The following ZFAND2A variants were observed in gnomAD, a reference collection of about 807,000 sequenced individuals.
ZFAND2A encodes AN1-type zinc finger protein 2A.
In ZFAND2A, 20 loss-of-function variants were observed where a neutral mutation model predicts 11.6. The observed-to-expected ratio is 1.72, with a 90% CI of 1.21 to 2.50. The LOEUF (loss-of-function observed/expected upper bound fraction) is 2.50. ZFAND2A is among the 30% of genes most tolerant of loss of function. The probability of loss-of-function intolerance (pLI) is 0.00; values close to 1 mark genes in which losing one functional copy is unlikely to be tolerated. For missense variants in ZFAND2A, 234 were observed against 182.9 expected (o/e 1.28, Z -1.61); for synonymous variants, 93 against 60.6 (o/e 1.54, Z -2.48).
chr7:1,152,721 G>A (rs577030682), downstream of ZFAND2A, among the ~76,000 whole-genome samples: 2 of 152,222 alleles, frequency 1.3e-5, no homozygotes, highest in South Asian at 2.1e-4. Context: ...GTGCATTGAC[G>A]AGCCCCGAGA....
At chr7:1,151,818 G>A (rs1227111879), downstream of ZFAND2A, among the ~76,000 whole-genome samples, 1 of 150,576 alleles carries the variant, frequency 6.6e-6, no homozygotes, top group Non-Finnish European at 1.5e-5. Flanking sequence ...CGTGAAGATG[G>A]CCCGGAGGTG....
At chr7:1,152,144 G>A (rs934602400), downstream of ZFAND2A, 8 of 1,375,442 alleles carry the variant, frequency 5.8e-6, no homozygotes, top group African/African-American at 1.5e-5. Context: ...TCGCACCACT[G>A]GAGCATCGCG....
Position 1,159,993 on chromosome 7 carries a change from A to AG in ZFAND2A, c.-76dup, listed in dbSNP as rs1242579922. 6.3e-6 allele frequency: 1 copy of AG among 159,500 alleles called. No homozygotes were observed. Among genetic ancestry groups the AG allele is most frequent in the Non-Finnish European group, 1.4e-5 (1 of 71,786 alleles). The allele number at this position is 159,500 out of a possible 1,614,324, so 9.9% of individuals were successfully genotyped here. A position where few individuals can be genotyped will look rare whatever the true frequency, so the allele number is the denominator to read the frequency against. ...CTCTCGTCGGGGACCCAGGCAGCTG[A>AG]GGTGAGCAGCAGATGGAAGAGACGT... On this transcript the variant is annotated 5_prime_UTR_variant, in exon 1 of 5. An upstream open reading frame in the 5' UTR gains an earlier in-frame stop. Coordinates refer to ENST00000316495, the MANE Select transcript of ZFAND2A (RefSeq NM_182491.4).
At chr7:1,159,021 A>ACT (rs1171492221) in intron 1 of ZFAND2A, among the ~76,000 whole-genome samples, 1 of 151,640 alleles carries the variant, frequency 6.6e-6, no homozygotes, top group Non-Finnish European at 1.5e-5. Flanking sequence ...AGACTGGAAC[A>ACT]CTCTCGCCCA....
chr7:1,155,690 CA>C, intron 3 of ZFAND2A, 106 bp from the exon 4 acceptor site: 1 of 1,441,588 alleles, frequency 6.9e-7, no homozygotes, highest in Non-Finnish European at 9.3e-7. Flanking sequence ...AAAGAGAGGA[CA>C]AAAACCGGTC....
At chr7:1,152,282 C>T (rs978547720), downstream of ZFAND2A, 3 of 1,583,946 alleles carry the variant, frequency 1.9e-6, no homozygotes, top group South Asian at 1.2e-5. Flanking sequence ...GGCCAGCCCG[C>T]CAGGAGCCAG....
chr7:1,155,657 T>TC (rs143202029), intron 3 of ZFAND2A, 73 bp from the exon 4 acceptor site: 254,775 of 1,560,686 alleles, frequency 0.16, 22,061 homozygotes, highest in Middle Eastern at 0.26. Context: ...AAACGAGTAC[T>TC]CCTGTGCGGC....
chr7:1,158,015 G>C, intron 2 of ZFAND2A, 143 bp downstream of exon 2: 2 of 873,942 alleles, frequency 2.3e-6, no homozygotes, highest in Admixed American at 2.2e-5. Flanking sequence ...TGGATGCTAA[G>C]TGTCAAACAG....
At chr7:1,154,053 G>C (rs1368083351) in intron 4 of ZFAND2A, among the ~76,000 whole-genome samples, 1 of 152,142 alleles carries the variant, frequency 6.6e-6, no homozygotes, top group Non-Finnish European at 1.5e-5. Context: ...AGGAAGCAGG[G>C]AGCGGGAGGG....
chr7:1,157,231 A>G (rs1004995160), intron 3 of ZFAND2A: 1 of 153,734 alleles, frequency 6.5e-6, no homozygotes, highest in African/African-American at 2.4e-5. Context: ...AGTTATTCAA[A>G]TCAATAAGCG....
downstream of ZFAND2A, among the ~76,000 whole-genome samples, chr7:1,151,036 T>C (rs1163729408): frequency 2.6e-5 from 4 of 152,032 alleles, no homozygotes; most frequent in East Asian, 5.8e-4. Flanking sequence ...TACAAGCGTG[T>C]ACCACCACCA....
Position 1,153,193 on chromosome 7 carries a change from C to CAG in ZFAND2A, c.312_313dup (p.Cys105SerfsTer?). 1 of 1,614,056 alleles carries CAG rather than the reference C, an allele frequency of 6.2e-7. No homozygotes were observed. The highest frequency in any genetic ancestry group is 8.5e-7 in the Non-Finnish European group (1 of 1,179,914). On this transcript the variant is annotated frameshift_variant, in exon 5 of 5. Transcript: ENST00000316495. LOFTEE classifies it low-confidence loss of function (END_TRUNC). The stretch of plus-strand genomic sequence containing the variant: ...CATCTGCAGCATCTCTTTCTTCTTG[C>CAG]AGCCCTCTTTTGAGCAACGGTATGT...
intron 3 of ZFAND2A, 66 bp from the exon 4 acceptor site, chr7:1,155,650 C>G: frequency 6.3e-7 from 1 of 1,579,536 alleles, no homozygotes. Context: ...AAGTTTTAAA[C>G]GAGTACTCCT....
chr7:1,152,797 C>G (rs562062898), downstream of ZFAND2A: 4 of 561,054 alleles, frequency 7.1e-6, no homozygotes, highest in Admixed American at 1.1e-4. Flanking sequence ...CGACATCCTG[C>G]GCCTGGACCT....
downstream of ZFAND2A, chr7:1,152,133 G>A (rs950799014): frequency 7.5e-7 from 1 of 1,338,876 alleles, no homozygotes. Context: ...TCCTGACGAA[G>A]TCGCACCACT....
At chr7:1,151,762 T>TAAAAGAAAAAAAAAAAAAAAAAA (rs1554344525), downstream of ZFAND2A, among the ~76,000 whole-genome samples, 6 of 87,176 alleles carry the variant, frequency 6.9e-5, 1 homozygote, top group Non-Finnish European at 4.3e-5. Context: ...TCATCCCTTT[T>TAAAAGAAAAAAAAAAAAAAAAAA]AAAAAAAAAA....
At chr7:1,155,996 TAC>T (rs1331501562) in intron 3 of ZFAND2A, among the ~76,000 whole-genome samples, 1 of 152,242 alleles carries the variant, frequency 6.6e-6, no homozygotes, top group Admixed American at 6.5e-5. Context: ...GGCTTCTACG[TAC>T]ACAGAGAGTT....
downstream of ZFAND2A, among the ~76,000 whole-genome samples, chr7:1,149,878 A>G (rs922672734): frequency 2.2e-5 from 3 of 134,974 alleles, no homozygotes; most frequent in African/African-American, 2.8e-5. Flanking sequence ...TTTGAGATGG[A>G]GTCTTGCTCT....
At chr7:1,155,665 G>T (rs1322298905) in intron 3 of ZFAND2A, 81 bp from the exon 4 acceptor site, 1 of 1,535,842 alleles carries the variant, frequency 6.5e-7, no homozygotes, top group Non-Finnish European at 8.8e-7. Flanking sequence ...ACTCCTGTGC[G>T]GCACACTTAA....
Sources: allele counts gnomAD v4.1 joint callset (sites outside exome capture counted in the v4.1 genomes callset), GRCh38; gene constraint gnomAD v4.1.1; transcripts MANE v1.5; gene names NCBI Gene and HGNC (gene_info 2026-07-23, HGNC 2026-07-21).